BAMBI: variants seen among roughly 807,000 people sequenced by gnomAD.
BAMBI encodes BMP and activin membrane bound inhibitor, also known as BMP and activin membrane-bound inhibitor homolog.
A neutral mutation model predicts 24.1 loss-of-function variants in BAMBI; 21 were observed. That is an observed-to-expected ratio of 0.87 (90% CI 0.62 to 1.26). The LOEUF is 1.26. Among genes scored for constraint, BAMBI ranks in the 50% most tolerant of loss-of-function variants. The pLI is 0.00. For synonymous variants in BAMBI, 156 were observed against 123.1 expected (o/e 1.27, Z -1.77); for missense variants, 388 against 329.1 (o/e 1.18, Z -1.38).
rs1834452198 is a variant in BAMBI, at chr10:28,677,807, G to A, written c.-91G>A. On this transcript the variant is annotated 5_prime_UTR_variant, in exon 1 of 3. Coordinates refer to ENST00000375533, the MANE Select transcript of BAMBI (RefSeq NM_012342.3). ...GACGGCGCCCGCCGCTCCGGGCAGG[G>A]CCCATGCCCTGCGCGCTCCGGGGGT... 2.9e-6 allele frequency: 3 copies of A among 1,039,272 alleles called. No individual in the cohort carries two copies. The highest frequency in any genetic ancestry group is 3.6e-5 in the East Asian group (1 of 27,616). The allele number at this position is 1,039,272 out of a possible 1,614,324, so 64.4% of individuals were successfully genotyped here. A position where few individuals can be genotyped will look rare whatever the true frequency, so the allele number is the denominator to read the frequency against.
intron 1 of BAMBI, 35 bp downstream of exon 1, chr10:28,678,008 G>A: frequency 6.7e-6 from 10 of 1,496,602 alleles, no homozygotes; most frequent in Non-Finnish European, 8.9e-6. Context: ...CCGGGGTCCC[G>A]TCCTCGCCGC....
Position 28,682,579 on chromosome 10 carries a change from G to C in BAMBI, c.*178G>C. On this transcript the variant is annotated 3_prime_UTR_variant, in exon 3 of 3. Transcript: ENST00000375533. ...GATTATTTGCACAGACTTAAATACAGTTAAATGTGTTATTTGCTTTTAAAA... is the reference window on the plus strand; with the variant it reads ...GATTATTTGCACAGACTTAAATACACTTAAATGTGTTATTTGCTTTTAAAA... 1 of 547,812 alleles carries C rather than the reference G, an allele frequency of 1.8e-6. No individual in the cohort carries two copies. 33.9% of individuals were successfully genotyped at this position (547,812 alleles called of 1,614,324 possible). A position where few individuals can be genotyped will look rare whatever the true frequency, so the allele number is the denominator to read the frequency against.
At chr10:28,679,157 C>T (rs1418117525) in intron 1 of BAMBI, among the ~76,000 whole-genome samples, 2 of 152,196 alleles carry the variant, frequency 1.3e-5, no homozygotes, top group African/African-American at 4.8e-5. Context: ...GGGGAGCCTC[C>T]TGGCCCTATC....
rs1834451331 is a variant in BAMBI at position 28,677,734 on chromosome 10, A to C, written c.-164A>C. Reference sequence around the variant, plus strand: ...TTCTGGGCTCCTGGGCGCGCCCTGTAGCCGCGCTCCATGCTCCGGCAGCGG... The same window carrying C: ...TTCTGGGCTCCTGGGCGCGCCCTGTCGCCGCGCTCCATGCTCCGGCAGCGG... On this transcript the variant is annotated 5_prime_UTR_variant, in exon 1 of 3. Transcript: ENST00000375533. 3.0e-6 allele frequency: 1 copy of C among 334,258 alleles called. No homozygotes were observed. The highest frequency in any genetic ancestry group is 2.2e-5 in the African/African-American group (1 of 45,666). The allele number at this position is 334,258 out of a possible 1,614,324, so 20.7% of individuals were successfully genotyped here. A position where few individuals can be genotyped will look rare whatever the true frequency, so the allele number is the denominator to read the frequency against.
intron 1 of BAMBI, among the ~76,000 whole-genome samples, chr10:28,678,630 T>C (rs1224778439): frequency 1.3e-5 from 2 of 149,746 alleles, no homozygotes; most frequent in East Asian, 4.3e-4. Flanking sequence ...TCTCTGAATG[T>C]GCATCTGAGT....
Position 28,682,031 on chromosome 10 carries a change from A to C in BAMBI, c.413A>C (p.Lys138Thr). 1 of 1,614,182 alleles carries C rather than the reference A, an allele frequency of 6.2e-7. No individual in the cohort carries two copies. Among genetic ancestry groups the C allele is most frequent in the South Asian group, 1.1e-5 (1 of 91,084 alleles). Residue 138 changes from lysine (K) to threonine (T), a missense_variant, in exon 3 of 3, where the codon AAG (lysine) becomes ACG (threonine). Lys to Thr is a moderately conservative substitution (Grantham distance 78, BLOSUM62 -1). Coordinates refer to ENST00000375533, the MANE Select transcript of BAMBI (RefSeq NM_012342.3). The part of the protein sequence containing the change: ...QHDGSRNLIT[K>T]VQELTSSKEL... The stretch of plus-strand genomic sequence containing the variant: ...GATGGTAGCAGAAACCTTATCACCA[A>C]GGTGCAGGAGCTGACTTCTTCCAAA...
Position 28,681,501 on chromosome 10 carries a change from G to C in BAMBI, c.320G>C (p.Arg107Thr). The C allele has an allele frequency of 6.2e-7, 1 of 1,614,142 alleles. No homozygotes were observed. The highest frequency in any genetic ancestry group is 8.5e-7 in the Non-Finnish European group (1 of 1,180,036). ...ECCHEDMCNY[R>T]GLHDVLSPPR... ...TGTCATGAAGACATGTGCAATTACA[G>C]AGGGCTGCACGATGTTCTCTCTCCT... is the stretch of plus-strand genomic sequence containing the variant. Residue 107 changes from arginine (R) to threonine (T), a missense_variant, in exon 2 of 3, where the codon AGA (arginine) becomes ACA (threonine). Physicochemically the swap from Arg to Thr is moderately conservative, Grantham distance 71. Transcript: ENST00000375533.
intron 1 of BAMBI, among the ~76,000 whole-genome samples, chr10:28,679,663 T>G (rs571542542): frequency 5.4e-4 from 82 of 152,370 alleles, no homozygotes; most frequent in South Asian, 1.2e-3. Context: ...TCCTTTTCTG[T>G]ACAAGGTCTG....
At chr10:28,679,281 T>C (rs777993375) in intron 1 of BAMBI, among the ~76,000 whole-genome samples, 1 of 152,168 alleles carries the variant, frequency 6.6e-6, no homozygotes, top group African/African-American at 2.4e-5. Context: ...GCTGCGGACT[T>C]CAAAAGCTTT....
chr10:28,681,387 G>A lies in BAMBI; in HGVS notation c.206G>A (p.Cys69Tyr). The A allele has an allele frequency of 1.2e-6, 2 of 1,614,160 alleles. No individual in the cohort carries two copies. Among genetic ancestry groups the A allele is most frequent in the Non-Finnish European group, 1.7e-6 (2 of 1,180,024 alleles). Residue 69 changes from cysteine to tyrosine, a missense_variant, in exon 2 of 3, where the codon TGC becomes TAC. Physicochemically the swap from Cys to Tyr is radical, Grantham distance 194. Coordinates refer to ENST00000375533, the MANE Select transcript of BAMBI (RefSeq NM_012342.3). Reference sequence around the variant, plus strand: ...TCAAATTCCCCACTCACCCATGGCTGCCTGGACTCTCTTGCAAGCACGACA... The same window carrying A: ...TCAAATTCCCCACTCACCCATGGCTACCTGGACTCTCTTGCAAGCACGACA... ...QNSNSPLTHG[C>Y]LDSLASTTDI...
At chr10:28,679,015 C>G (rs1588643104) in intron 1 of BAMBI, among the ~76,000 whole-genome samples, 2 of 152,314 alleles carry the variant, frequency 1.3e-5, no homozygotes, top group East Asian at 3.9e-4. Context: ...CCCTACTTCT[C>G]TTTAATTGCT....
chr10:28,681,651 A>G (rs537132594), intron 2 of BAMBI, 106 bp downstream of exon 2: 24 of 1,274,070 alleles, frequency 1.9e-5, no homozygotes, highest in Non-Finnish European at 2.4e-5. Flanking sequence ...GTAATTAGAG[A>G]CACCAGAGGG....
Position 28,682,417 on chromosome 10 carries a change from A to C in BAMBI, c.*16A>C, listed in dbSNP as rs757218208. On this transcript the variant is annotated 3_prime_UTR_variant, in exon 3 of 3. Coordinates refer to ENST00000375533, the MANE Select transcript of BAMBI (RefSeq NM_012342.3). ...ATTCGTATGACGGAGTCTTATCTGA[A>C]CTACACTTACTGAACAGCTTGAAGG... 1 of 1,597,146 alleles carries C rather than the reference A, an allele frequency of 6.3e-7. No individual in the cohort carries two copies. The highest frequency in any genetic ancestry group is 8.6e-7 in the Non-Finnish European group (1 of 1,167,916).
At position 28,677,989 on chromosome 10, in the gene BAMBI, G is replaced by T; in HGVS notation, c.76+16G>T. 2 of 1,510,148 alleles carry T rather than the reference G, an allele frequency of 1.3e-6. No individual in the cohort carries two copies. The highest frequency in any genetic ancestry group is 1.8e-6 in the Non-Finnish European group (2 of 1,133,754). The allele number at this position is 1,510,148 out of a possible 1,614,324, so 93.5% of individuals were successfully genotyped here. A position where few individuals can be genotyped will look rare whatever the true frequency, so the allele number is the denominator to read the frequency against. ...CTCACCAAAGGTGGGTGCCGGGGGC[G>T]CACGGGGCCCGGGGTCCCGTCCTCG... On this transcript the variant is annotated intron_variant, in intron 1 of 2. Coordinates refer to ENST00000375533, the MANE Select transcript of BAMBI (RefSeq NM_012342.3).
chr10:28,681,603 C>T (rs1834498720), intron 2 of BAMBI, 58 bp downstream of exon 2: 1 of 1,553,886 alleles, frequency 6.4e-7, no homozygotes, highest in African/African-American at 1.4e-5. Flanking sequence ...TTGTGACAGC[C>T]ACGACTTTGT....
chr10:28,682,706 T>C lies in BAMBI; in HGVS notation c.*305T>C, dbSNP rs1834513180. ...CCTAAATAAACAAAAATGTGCCCTA[T>C]GTAAGCTTCTACATCTTGATTTATT... On this transcript the variant is annotated 3_prime_UTR_variant, in exon 3 of 3. Transcript: ENST00000375533. The C allele has an allele frequency of 3.9e-6, 1 of 256,688 alleles. No homozygotes were observed. Among genetic ancestry groups the C allele is most frequent in the African/African-American group, 2.2e-5 (1 of 45,390 alleles). The allele number at this position is 256,688 out of a possible 1,614,324, so 15.9% of individuals were successfully genotyped here.
At chr10:28,681,236 G>C in intron 1 of BAMBI, 22 bp from the exon 2 acceptor site, 1 of 1,602,780 alleles carries the variant, frequency 6.2e-7, no homozygotes, top group Non-Finnish European at 8.5e-7. Flanking sequence ...CAGAGTTTGA[G>C]GTGGTTTCTC....
At chr10:28,679,247 T>G (rs1345635202) in intron 1 of BAMBI, among the ~76,000 whole-genome samples, 1 of 152,170 alleles carries the variant, frequency 6.6e-6, no homozygotes, top group African/African-American at 2.4e-5. Context: ...AATGATATAA[T>G]TAGGGGATCA....
At chr10:28,678,868 C>T (rs1027696109) in intron 1 of BAMBI, among the ~76,000 whole-genome samples, 6 of 151,370 alleles carry the variant, frequency 4.0e-5, no homozygotes, top group African/African-American at 1.2e-4. Context: ...CCTCTGCAGG[C>T]TTTCACCTTT....
Sources: allele counts gnomAD v4.1 joint callset (sites outside exome capture counted in the v4.1 genomes callset), GRCh38; gene constraint gnomAD v4.1.1; transcripts MANE v1.5; gene names NCBI Gene and HGNC (gene_info 2026-07-23, HGNC 2026-07-21).